Variants in CHIC1 observed in about 807,000 individuals in gnomAD.
CHIC1 encodes the protein cysteine rich hydrophobic domain 1, also known as cysteine-rich hydrophobic domain-containing protein 1.
CHIC1 carries 7 observed loss-of-function variants against 18.5 expected under a neutral mutation model. The observed-to-expected ratio is 0.38, with a 90% CI of 0.22 to 0.71. The LOEUF (loss-of-function observed/expected upper bound fraction) is 0.71. Ranked by LOEUF, CHIC1 falls within the 30% of genes least tolerant of loss-of-function variation. CHIC1 has a pLI of 0.49. For synonymous variants in CHIC1, 77 were observed against 73.5 expected (o/e 1.05, Z -0.25); for missense variants, 159 against 176.9 (o/e 0.90, Z 0.57).
intron 3 of CHIC1, among the ~76,000 whole-genome samples, chrX:73,593,693 G>C (rs1283896978): frequency 9.0e-6 from 1 of 111,680 alleles, no homozygotes; most frequent in Non-Finnish European, 1.9e-5. Flanking sequence ...TCTTGAGTTT[G>C]ATCTAATCTT....
At chrX:73,586,469 G>A (rs985215633) in intron 3 of CHIC1, among the ~76,000 whole-genome samples, 6 of 111,276 alleles carry the variant, frequency 5.4e-5, no homozygotes, top group African/African-American at 1.6e-4. Context: ...GAAATTTAAA[G>A]CAACTCAAAG....
chrX:73,563,335 G>A lies in CHIC1; in HGVS notation c.51G>A (p.Leu17=). 2.7e-6 allele frequency: 3 copies of A among 1,127,447 alleles called. No individual in the cohort carries two copies. The highest frequency in any genetic ancestry group is 2.2e-5 in the South Asian group (1 of 45,595). The allele number at this position is 1,127,447 out of a possible 1,213,427, so 92.9% of individuals were successfully genotyped here. A position where few individuals can be genotyped will look rare whatever the true frequency, so the allele number is the denominator to read the frequency against. ...NMAEFDTISE[L]EEEEEEEAAT... ...CGGAGTTCGACACCATCTCGGAACT[G>A]GAGGAGGAGGAGGAAGAAGAAGCGG... The change falls in exon 1 of 6, where the codon CTG becomes CTA. Residue 17 remains leucine, a synonymous_variant. Coordinates refer to ENST00000373502, the MANE Select transcript of CHIC1 (RefSeq NM_001039840.4).
intron 3 of CHIC1, among the ~76,000 whole-genome samples, chrX:73,620,876 A>G (rs1425773088): frequency 4.5e-5 from 5 of 111,829 alleles, no homozygotes; most frequent in African/African-American, 1.6e-4. Context: ...TAATTTTTGC[A>G]TAAGGTGTAT....
At chrX:73,617,497 C>A (rs913639774) in intron 3 of CHIC1, among the ~76,000 whole-genome samples, 4 of 111,407 alleles carry the variant, frequency 3.6e-5, no homozygotes, top group African/African-American at 1.3e-4. Flanking sequence ...TAGTCTGTTC[C>A]CATGTTGCGA....
At chrX:73,675,128 A>T (rs1027076518) in intron 3 of CHIC1, among the ~76,000 whole-genome samples, 32 of 111,546 alleles carry the variant, frequency 2.9e-4, no homozygotes, top group Non-Finnish European at 4.7e-4. Flanking sequence ...ATTCTTTTAC[A>T]TTTGCTGAGG....
chrX:73,622,821 T>C (rs2057766297), intron 3 of CHIC1, among the ~76,000 whole-genome samples: 1 of 112,355 alleles, frequency 8.9e-6, no homozygotes, highest in Non-Finnish European at 1.9e-5. Flanking sequence ...TCTGTGGGCA[T>C]TTAGTGCTAT....
At chrX:73,566,589 C>T (rs1245447598) in intron 1 of CHIC1, among the ~76,000 whole-genome samples, 2 of 111,405 alleles carry the variant, frequency 1.8e-5, no homozygotes, top group Non-Finnish European at 3.8e-5. Context: ...CCCATGTTCC[C>T]TTTAGCTACT....
Position 73,603,838 on chromosome X carries a change from T to C in CHIC1, c.507+19266T>C, listed in dbSNP as rs1294662397. 2.8e-5 allele frequency among the ~76,000 whole-genome samples: 3 copies of C among 109,031 alleles called. 1 individual carries two copies. Among genetic ancestry groups the C allele is most frequent in the African/African-American group, 1.1e-4 (3 of 28,100 alleles). 94.7% of individuals were successfully genotyped at this position (109,031 alleles called of 115,157 possible). Reference sequence around the variant, plus strand: ...GTGTATGTTGAACTAGCTTTGCATCTCAGGGATGAAACTGACTTGATGGTG... The same window carrying C: ...GTGTATGTTGAACTAGCTTTGCATCCCAGGGATGAAACTGACTTGATGGTG... On this transcript the variant is annotated intron_variant, in intron 3 of 5. Coordinates refer to ENST00000373502, the MANE Select transcript of CHIC1 (RefSeq NM_001039840.4).
At chrX:73,593,431 G>C (rs2057591551) in intron 3 of CHIC1, among the ~76,000 whole-genome samples, 1 of 110,985 alleles carries the variant, frequency 9.0e-6, no homozygotes, top group Non-Finnish European at 1.9e-5. Flanking sequence ...GAGGTTCTCT[G>C]AATTTCTTGA....
At chrX:73,636,735 T>G (rs1301557728) in intron 3 of CHIC1, among the ~76,000 whole-genome samples, 5 of 110,472 alleles carry the variant, frequency 4.5e-5, no homozygotes, top group Non-Finnish European at 9.5e-5. Flanking sequence ...CATTAAAAAT[T>G]TACAAGAATC....
intron 3 of CHIC1, among the ~76,000 whole-genome samples, chrX:73,645,238 G>T (rs1213239534): frequency 8.9e-6 from 1 of 112,152 alleles, no homozygotes; most frequent in Non-Finnish European, 1.9e-5. Context: ...AAAAATGATA[G>T]AATTTTCTTT....
At chrX:73,640,093 CT>C (rs2057848080) in intron 3 of CHIC1, among the ~76,000 whole-genome samples, 2 of 111,504 alleles carry the variant, frequency 1.8e-5, no homozygotes, top group Admixed American at 1.9e-4. Context: ...AGAAGACATC[CT>C]TGTCTTGTGT....
At chrX:73,651,108 T>C (rs1043435492) in intron 3 of CHIC1, among the ~76,000 whole-genome samples, 3 of 112,076 alleles carry the variant, frequency 2.7e-5, no homozygotes, top group African/African-American at 9.7e-5. Flanking sequence ...TCTCAATAGA[T>C]GCAGAAAAGG....
At position 73,684,659 on chromosome X, in the gene CHIC1, A is replaced by G. The variant is rs2058113790; in HGVS notation, c.*3654A>G. On this transcript the variant is annotated 3_prime_UTR_variant, in exon 6 of 6. Coordinates refer to ENST00000373502, the MANE Select transcript of CHIC1 (RefSeq NM_001039840.4). ...ATTATAAGTGCTCAAATTTATTGAA[A>G]TTAGATTCTCATGCCTATAAAAGTA... 9.0e-6 allele frequency: 1 copy of G among 111,555 alleles called. No homozygotes were observed. Among genetic ancestry groups the G allele is most frequent in the Non-Finnish European group, 1.9e-5 (1 of 52,901 alleles). The allele number at this position is 111,555 out of a possible 1,213,427, so 9.2% of individuals were successfully genotyped here. A position where few individuals can be genotyped will look rare whatever the true frequency, so the allele number is the denominator to read the frequency against.
At chrX:73,575,973 T>A (rs1002449875) in intron 1 of CHIC1, among the ~76,000 whole-genome samples, 85 of 110,111 alleles carry the variant, frequency 7.7e-4, no homozygotes, top group African/African-American at 2.6e-3. Flanking sequence ...CTATTAATTT[T>A]TTTTTTACTT....
At chrX:73,674,161 C>T (rs780002238) in intron 3 of CHIC1, among the ~76,000 whole-genome samples, 2 of 111,877 alleles carry the variant, frequency 1.8e-5, no homozygotes, top group Non-Finnish European at 3.8e-5. Flanking sequence ...CAGTATTTTA[C>T]TGAGGATTTT....
At chrX:73,563,647 C>A in intron 1 of CHIC1, 67 bp downstream of exon 1, 1 of 972,215 alleles carries the variant, frequency 1.0e-6, no homozygotes, top group Non-Finnish European at 1.3e-6. Flanking sequence ...GAGAAGTGAT[C>A]GAGGGGCCTG....
At chrX:73,655,646 T>C (rs2057944943) in intron 3 of CHIC1, among the ~76,000 whole-genome samples, 1 of 6,593 alleles carries the variant, frequency 1.5e-4, no homozygotes, top group Non-Finnish European at 1.1e-3. Flanking sequence ...TGTGTGTGTG[T>C]GTGTATATAT....
intron 3 of CHIC1, among the ~76,000 whole-genome samples, chrX:73,652,114 G>A (rs1180710766): frequency 9.0e-6 from 1 of 111,646 alleles, no homozygotes; most frequent in Non-Finnish European, 1.9e-5. Context: ...CGATGAACCT[G>A]ACAAAAACAA....
Sources: gnomAD v4.1 joint callset for allele counts (sites outside exome capture counted in the v4.1 genomes callset) on GRCh38, gnomAD v4.1.1 for gene constraint, MANE v1.5 for transcripts, NCBI Gene and HGNC (gene_info 2026-07-23, HGNC 2026-07-21) for gene names.